SEPTIN14: variants seen among roughly 807,000 people sequenced by gnomAD.
SEPTIN14 encodes septin 14.
In SEPTIN14, 40 loss-of-function variants were observed where a neutral mutation model predicts 53.6. The ratio of observed to expected loss-of-function variants is 0.75; its 90% CI spans 0.58 to 0.97. The LOEUF (loss-of-function observed/expected upper bound fraction) is 0.97. Ranked by LOEUF, SEPTIN14 falls within the 50% of genes least tolerant of loss-of-function variation. The probability of loss-of-function intolerance (pLI) is 0.00; values close to 1 mark genes in which losing one functional copy is unlikely to be tolerated. For missense variants in SEPTIN14, 471 were observed against 508.2 expected, an observed-to-expected ratio of 0.93 and a Z score of 0.70; for synonymous variants, 138 against 166.8, an observed-to-expected ratio of 0.83 and a Z score of 1.33.
intron 2 of SEPTIN14, among the ~76,000 whole-genome samples, chr7:55,857,126 A>T (rs1034145706): frequency 7.9e-5 from 12 of 151,762 alleles, no homozygotes; most frequent in African/African-American, 2.7e-4. Flanking sequence ...TATTCCCAGC[A>T]CTTTGAGAGG....
intron 5 of SEPTIN14, among the ~76,000 whole-genome samples, chr7:55,835,448 C>T (rs539067448): frequency 6.6e-6 from 1 of 151,640 alleles, no homozygotes; most frequent in Non-Finnish European, 1.5e-5. Context: ...GTGATCCGCT[C>T]GCCTCAGCCT....
At chr7:55,834,774 C>T (rs911612032) in intron 5 of SEPTIN14, among the ~76,000 whole-genome samples, 188 bp from the exon 6 acceptor site, 4 of 152,204 alleles carry the variant, frequency 2.6e-5, no homozygotes, top group African/African-American at 9.7e-5. Context: ...TCCCGAGTAG[C>T]TGGGACCACA....
intron 2 of SEPTIN14, among the ~76,000 whole-genome samples, chr7:55,854,085 C>A (rs868786730): frequency 6.6e-6 from 1 of 151,840 alleles, no homozygotes; most frequent in Middle Eastern, 3.4e-3. Context: ...TGTGCCACTG[C>A]GCTGCAGCCT....
rs545347956 is a variant in SEPTIN14 at position 55,857,383 on chromosome 7, G to T, written c.54+4560C>A. On this transcript the variant is annotated intron_variant, in intron 2 of 9. Transcript: ENST00000388975. ...GGAAAACTCTGTCTCGAAAAGAAAAGAAAAGGAAAAAAGAGAAGAGAAGAG... is the reference window on the plus strand; with the variant it reads ...GGAAAACTCTGTCTCGAAAAGAAAATAAAAGGAAAAAAGAGAAGAGAAGAG... Among the ~76,000 whole-genome samples, 99 of 141,348 alleles carry T rather than the reference G, an allele frequency of 7.0e-4. 1 individual carries two copies. The highest frequency in any genetic ancestry group is 1.3e-3 in the Non-Finnish European group (88 of 65,860). The allele number at this position is 141,348 out of a possible 152,430, so 92.7% of individuals were successfully genotyped here. A position where few individuals can be genotyped will look rare whatever the true frequency, so the allele number is the denominator to read the frequency against.
intron 7 of SEPTIN14, among the ~76,000 whole-genome samples, chr7:55,814,918 C>G (rs1462094888): frequency 1.2e-4 from 18 of 152,090 alleles, no homozygotes; most frequent in African/African-American, 3.6e-4. Context: ...GTAAGTGAAA[C>G]AGCATGGTAC....
At chr7:55,816,416 T>A (rs1455631429) in intron 7 of SEPTIN14, among the ~76,000 whole-genome samples, 2 of 152,164 alleles carry the variant, frequency 1.3e-5, no homozygotes, top group Non-Finnish European at 2.9e-5. Context: ...TATCCTGATG[T>A]GATTACTACA....
At chr7:55,831,151 G>A (rs1332982178) in intron 6 of SEPTIN14, among the ~76,000 whole-genome samples, 2 of 152,054 alleles carry the variant, frequency 1.3e-5, no homozygotes, top group East Asian at 3.8e-4. Context: ...TCATGTGTCT[G>A]ACTTCAAATT....
intron 2 of SEPTIN14, among the ~76,000 whole-genome samples, chr7:55,859,021 G>A (rs1789697154): frequency 6.7e-6 from 1 of 150,044 alleles, no homozygotes; most frequent in Middle Eastern, 3.5e-3. Flanking sequence ...CATGGTGGTG[G>A]GCTCCTATAA....
intron 2 of SEPTIN14, among the ~76,000 whole-genome samples, chr7:55,852,763 G>T (rs1789542012): frequency 6.6e-6 from 1 of 152,090 alleles, no homozygotes; most frequent in Admixed American, 6.6e-5. Flanking sequence ...CCCACTGAAT[G>T]GGAGAAAATA....
chr7:55,851,775 G>A (rs1024083187), intron 2 of SEPTIN14, among the ~76,000 whole-genome samples: 9 of 152,082 alleles, frequency 5.9e-5, no homozygotes, highest in East Asian at 1.9e-4. Context: ...TTGGGAGGCC[G>A]AGGTGGGTGG....
At chr7:55,832,444 A>C (rs1305884267) in intron 6 of SEPTIN14, among the ~76,000 whole-genome samples, 4 of 152,130 alleles carry the variant, frequency 2.6e-5, no homozygotes, top group African/African-American at 9.7e-5. Flanking sequence ...TAAAAAAGTC[A>C]CTTTCACTCA....
intron 5 of SEPTIN14, among the ~76,000 whole-genome samples, chr7:55,839,682 G>A (rs1163875421): frequency 6.6e-6 from 1 of 152,124 alleles, no homozygotes; most frequent in Non-Finnish European, 1.5e-5. Flanking sequence ...TCCCAAGGGT[G>A]CTACTCTATA....
At chr7:55,835,060 T>G (rs2116033316) in intron 5 of SEPTIN14, among the ~76,000 whole-genome samples, 1 of 152,328 alleles carries the variant, frequency 6.6e-6, no homozygotes, top group South Asian at 2.1e-4. Context: ...ATCAATACTT[T>G]TGAAGATTGA....
chr7:55,817,563 G>A (rs780096032), intron 7 of SEPTIN14, among the ~76,000 whole-genome samples: 7 of 150,942 alleles, frequency 4.6e-5, no homozygotes, highest in Non-Finnish European at 7.4e-5. Flanking sequence ...TCCACCTCCC[G>A]GGTTCACATC....
chr7:55,858,950 T>A (rs1789696217), intron 2 of SEPTIN14, among the ~76,000 whole-genome samples: 1 of 152,080 alleles, frequency 6.6e-6, no homozygotes, highest in African/African-American at 2.4e-5. Context: ...AAAATCTACT[T>A]ATCTCAGTTT....
chr7:55,841,400 G>A lies in SEPTIN14; in HGVS notation c.558+1542C>T, dbSNP rs569630078. Reference sequence around the variant, plus strand: ...CCTTCCCCTTTATAAAGGGCCCAGCGTCTATTATTTGTCTAATACTGAAAC... The same window carrying A: ...CCTTCCCCTTTATAAAGGGCCCAGCATCTATTATTTGTCTAATACTGAAAC... On this transcript the variant is annotated intron_variant, in intron 5 of 9. Transcript: ENST00000388975. Among the ~76,000 whole-genome samples, 115 of 152,052 alleles carry A rather than the reference G, an allele frequency of 7.6e-4. No homozygotes were observed. In the South Asian group the frequency reaches 0.02, roughly 27 times the overall value.
intron 2 of SEPTIN14, among the ~76,000 whole-genome samples, chr7:55,848,964 T>G (rs1468467324): frequency 3.3e-5 from 5 of 151,996 alleles, no homozygotes; most frequent in African/African-American, 1.2e-4. Context: ...AAGGAAAGTG[T>G]GCATACACAA....
At chr7:55,832,458 G>A (rs1314810922) in intron 6 of SEPTIN14, among the ~76,000 whole-genome samples, 1 of 152,104 alleles carries the variant, frequency 6.6e-6, no homozygotes, top group Non-Finnish European at 1.5e-5. Flanking sequence ...TCACTCATGT[G>A]TATTACATTC....
chr7:55,806,794 T>C (rs1196406339), intron 8 of SEPTIN14, among the ~76,000 whole-genome samples: 1 of 152,170 alleles, frequency 6.6e-6, no homozygotes. Flanking sequence ...CAGATACATT[T>C]CATATAAATA....
Sources: gnomAD v4.1 joint callset for allele counts (sites outside exome capture counted in the v4.1 genomes callset) on GRCh38, gnomAD v4.1.1 for gene constraint, MANE v1.5 for transcripts, NCBI Gene and HGNC (gene_info 2026-07-23, HGNC 2026-07-21) for gene names.